HNRNPLL: variants seen among roughly 807,000 people sequenced by gnomAD.
HNRNPLL encodes heterogeneous nuclear ribonucleoprotein L like.
Under a neutral mutation model 67.1 loss-of-function variants are expected in HNRNPLL, and 25 were observed. The ratio of observed to expected loss-of-function variants is 0.37; its 90% CI spans 0.27 to 0.52. The LOEUF (loss-of-function observed/expected upper bound fraction) is 0.52. Among genes scored for constraint, HNRNPLL ranks in the 20% least tolerant of loss-of-function variants. HNRNPLL has a pLI of 0.90. For synonymous variants in HNRNPLL, 267 were observed against 241.7 expected, an observed-to-expected ratio of 1.10 and a Z score of -0.97; for missense variants, 542 against 673.9, an observed-to-expected ratio of 0.80 and a Z score of 2.17.
At chr2:38,565,771 CTTTT>C (rs1665836896) in intron 12 of HNRNPLL, among the ~76,000 whole-genome samples, 1 of 138,360 alleles carries the variant, frequency 7.2e-6, no homozygotes. Context: ...TCTTACTTAA[CTTTT>C]TATTTAGGAA....
rs1302883275 is a variant in HNRNPLL at position 38,602,808 on chromosome 2, G to A, written c.-182C>T. ...CGGCTGAGAAGCGCGGACGGACTGA[G>A]GGGGGCGCCCCGGGAGGAAGCTCTG... is the stretch of plus-strand genomic sequence containing the variant. On this transcript the variant is annotated 5_prime_UTR_variant, in exon 1 of 13. Coordinates refer to ENST00000449105, the MANE Select transcript of HNRNPLL (RefSeq NM_138394.4). The A allele has an allele frequency of 2.6e-6, 4 of 1,544,204 alleles. No homozygotes were observed. The highest frequency in any genetic ancestry group is 3.5e-6 in the Non-Finnish European group (4 of 1,144,532).
intron 1 of HNRNPLL, among the ~76,000 whole-genome samples, chr2:38,601,793 T>C (rs1285243278): frequency 2.0e-5 from 3 of 152,154 alleles, no homozygotes; most frequent in East Asian, 1.9e-4. Context: ...AACACTTCTG[T>C]TGAAGTGTTG....
chr2:38,570,546 G>A (rs1330555387), intron 8 of HNRNPLL, among the ~76,000 whole-genome samples: 2 of 152,168 alleles, frequency 1.3e-5, no homozygotes, highest in African/African-American at 4.8e-5. Context: ...GTTATTTCAG[G>A]ACAGTTTGGG....
chr2:38,581,867 A>G, intron 6 of HNRNPLL, 46 bp downstream of exon 6: 3 of 1,249,734 alleles, frequency 2.4e-6, no homozygotes, highest in Admixed American at 1.7e-5. Context: ...GCATATAAAA[A>G]TTTGTCAGCA....
chr2:38,577,748 T>A (rs1353842037), intron 6 of HNRNPLL, among the ~76,000 whole-genome samples: 1 of 152,104 alleles, frequency 6.6e-6, no homozygotes, highest in Non-Finnish European at 1.5e-5. Context: ...TTAACTTGAA[T>A]ATATCTTTTT....
At chr2:38,577,650 T>C in intron 6 of HNRNPLL, 118 bp from the exon 7 acceptor site, 1 of 669,806 alleles carries the variant, frequency 1.5e-6, no homozygotes. Context: ...AGAAATACGA[T>C]TCCTGGTTAA....
Position 38,602,748 on chromosome 2 carries a change from G to A in HNRNPLL, c.-122C>T. On this transcript the variant is annotated 5_prime_UTR_variant, in exon 1 of 13. Coordinates refer to ENST00000449105, the MANE Select transcript of HNRNPLL (RefSeq NM_138394.4). ...TCTTCTGCGAGGGTCTCCGCGGCCC[G>A]GCCGTCCGCGGGGACTGCGCGGCCA... The A allele has an allele frequency of 1.3e-6, 2 of 1,506,574 alleles. No individual in the cohort carries two copies. The highest frequency in any genetic ancestry group is 1.3e-5 in the South Asian group (1 of 79,926). 93.3% of individuals were successfully genotyped at this position (1,506,574 alleles called of 1,614,324 possible). A position where few individuals can be genotyped will look rare whatever the true frequency, so the allele number is the denominator to read the frequency against.
chr2:38,599,738 T>C (rs561720705), intron 1 of HNRNPLL, among the ~76,000 whole-genome samples: 2 of 152,332 alleles, frequency 1.3e-5, no homozygotes, highest in East Asian at 3.9e-4. Flanking sequence ...CCACTATGTT[T>C]TTCTTAAATA....
chr2:38,580,918 G>A (rs79918050), intron 6 of HNRNPLL, among the ~76,000 whole-genome samples: 13 of 152,140 alleles, frequency 8.5e-5, no homozygotes, highest in Non-Finnish European at 1.9e-4. Flanking sequence ...GTTACAAAAA[G>A]TGACAACTTA....
intron 2 of HNRNPLL, among the ~76,000 whole-genome samples, chr2:38,586,689 T>C (rs546585937): frequency 6.6e-6 from 1 of 152,154 alleles, no homozygotes; most frequent in Non-Finnish European, 1.5e-5. Context: ...AGTTCCAAAG[T>C]TCATATAAAT....
At chr2:38,577,269 A>AT (rs1214925493) in intron 7 of HNRNPLL, among the ~76,000 whole-genome samples, 192 bp downstream of exon 7, 1 of 151,824 alleles carries the variant, frequency 6.6e-6, no homozygotes, top group African/African-American at 2.4e-5. Flanking sequence ...TATCTCAAGG[A>AT]TTTTTTTTAA....
At chr2:38,589,485 T>C (rs1332492858) in intron 2 of HNRNPLL, among the ~76,000 whole-genome samples, 1 of 152,254 alleles carries the variant, frequency 6.6e-6, no homozygotes, top group Non-Finnish European at 1.5e-5. Flanking sequence ...CTGAAACTCC[T>C]ATTACACCTA....
intron 6 of HNRNPLL, 87 bp from the exon 7 acceptor site, chr2:38,577,619 T>A: frequency 1.3e-6 from 1 of 785,522 alleles, no homozygotes; most frequent in Non-Finnish European, 2.3e-6. Context: ...ATTCAAAACA[T>A]CCAATACAAC....
At chr2:38,582,699 A>T (rs772757221) in intron 4 of HNRNPLL, among the ~76,000 whole-genome samples, 5 of 152,004 alleles carry the variant, frequency 3.3e-5, no homozygotes, top group Admixed American at 6.6e-5. Context: ...CCAGGTGAAC[A>T]GCCTGAGCTC....
At chr2:38,593,616 G>T (rs962452982) in intron 1 of HNRNPLL, among the ~76,000 whole-genome samples, 1 of 152,176 alleles carries the variant, frequency 6.6e-6, no homozygotes, top group Non-Finnish European at 1.5e-5. Flanking sequence ...TGGGCCAGAC[G>T]TGGTGGCTCA....
At chr2:38,571,148 G>A (rs1357403927) in intron 8 of HNRNPLL, among the ~76,000 whole-genome samples, 1 of 152,084 alleles carries the variant, frequency 6.6e-6, no homozygotes, top group Non-Finnish European at 1.5e-5. Flanking sequence ...CTATATATAA[G>A]CATAGCATAT....
chr2:38,572,275 A>G (rs186208220), intron 8 of HNRNPLL, among the ~76,000 whole-genome samples: 3 of 152,168 alleles, frequency 2.0e-5, no homozygotes, highest in Non-Finnish European at 4.4e-5. Flanking sequence ...TTCTTGTTTC[A>G]TAATTCTGAA....
At position 38,569,925 on chromosome 2, in the gene HNRNPLL, C is replaced by T; in HGVS notation, c.1093G>A (p.Val365Ile). 1.3e-6 allele frequency: 2 copies of T among 1,571,732 alleles called. No homozygotes were observed. Among genetic ancestry groups the T allele is most frequent in the Non-Finnish European group, 1.7e-6 (2 of 1,162,374 alleles). ...CCAGGAATGGTCTTCATAAATTTTA[C>T]CTGTAAACACAAAATTCCAAAAAGG... Reference protein sequence around the residue: ...LFCLYGNIEKVKFMKTIPGTA... With the variant: ...LFCLYGNIEKIKFMKTIPGTA... Residue 365 changes from valine to isoleucine, a missense_variant and splice_region_variant, in exon 9 of 13, where the codon GTA becomes ATA. Val to Ile is a conservative substitution (Grantham distance 29). Coordinates refer to ENST00000449105, the MANE Select transcript of HNRNPLL (RefSeq NM_138394.4).
chr2:38,566,910 A>C (rs1665885270), intron 12 of HNRNPLL, among the ~76,000 whole-genome samples: 1 of 152,122 alleles, frequency 6.6e-6, no homozygotes, highest in African/African-American at 2.4e-5. Context: ...GAAAAAAACA[A>C]ACAGAAGCAA....
Sources: allele counts gnomAD v4.1 joint callset (sites outside exome capture counted in the v4.1 genomes callset), GRCh38; gene constraint gnomAD v4.1.1; transcripts MANE v1.5; gene names NCBI Gene and HGNC (gene_info 2026-07-23, HGNC 2026-07-21).